Variants in GABRB1 observed in about 807,000 individuals in gnomAD.
The protein encoded by GABRB1 is gamma-aminobutyric acid type A receptor subunit beta1.
In GABRB1, 17 loss-of-function variants were observed where a neutral mutation model predicts 51.6. The observed-to-expected ratio is 0.33, with a 90% CI of 0.23 to 0.49. GABRB1 has a LOEUF of 0.49. Ranked by LOEUF, GABRB1 falls within the 20% of genes least tolerant of loss-of-function variation. GABRB1 has a pLI of 0.99. For missense variants in GABRB1, 410 were observed against 600.6 expected (o/e 0.68, Z 3.32); for synonymous variants, 247 against 218.9 (o/e 1.13, Z -1.14).
At chr4:46,994,153 G>A (rs150449034) in intron 1 of GABRB1, 4 of 152,490 alleles carry the variant, frequency 2.6e-5, no homozygotes, top group African/African-American at 9.6e-5. Context: ...TCACCCGGCG[G>A]ACTCTCGCCA....
intron 4 of GABRB1, among the ~76,000 whole-genome samples, chr4:47,292,621 T>G (rs1183900524): frequency 2.0e-5 from 3 of 152,362 alleles, no homozygotes; most frequent in African/African-American, 7.2e-5. Flanking sequence ...CCATAAAGCC[T>G]ACTCTCTGAG....
chr4:47,232,494 G>A (rs772852037), intron 4 of GABRB1, among the ~76,000 whole-genome samples: 2 of 151,890 alleles, frequency 1.3e-5, no homozygotes, highest in African/African-American at 2.4e-5. Context: ...CCATGATCAC[G>A]CACTTTTGTG....
intron 4 of GABRB1, among the ~76,000 whole-genome samples, chr4:47,232,745 A>G (rs1292429925): frequency 6.6e-6 from 1 of 152,096 alleles, no homozygotes; most frequent in Non-Finnish European, 1.5e-5. Context: ...TCAAATCCTT[A>G]TTCTGCCTCA....
chr4:47,403,682 A>G lies in GABRB1; in HGVS notation c.806A>G (p.Tyr269Cys), dbSNP rs1728475676. The G allele has an allele frequency of 1.2e-6, 2 of 1,613,510 alleles. No homozygotes were observed. The highest frequency in any genetic ancestry group is 2.7e-5 in the African/African-American group (2 of 75,066). ...TCCTGGGTGTCTTTTTGGATCAACT[A>G]TGATGCATCTGCAGCCAGAGTCGCA... Reference protein sequence around the residue: ...ILSWVSFWINYDASAARVALG... With the variant: ...ILSWVSFWINCDASAARVALG... The change falls in exon 7 of 9, where the codon TAT (tyrosine) becomes TGT (cysteine). Residue 269 changes from tyrosine to cysteine, a missense_variant. Around this residue, in one of 5 missense-constraint regions of GABRB1, gnomAD observed 37 missense variants for 126.3 expected, o/e 0.29. Coordinates refer to ENST00000295454, the MANE Select transcript of GABRB1 (RefSeq NM_000812.4).
chr4:47,320,189 G>C lies in GABRB1; in HGVS notation c.524G>C (p.Cys175Ser). 3.7e-6 allele frequency: 6 copies of C among 1,601,022 alleles called. No homozygotes were observed. Among genetic ancestry groups the C allele is most frequent in the Non-Finnish European group, 5.1e-6 (6 of 1,167,940 alleles). The change falls in exon 5 of 9, where the codon TGC becomes TCC. Residue 175 changes from cysteine to serine, a missense_variant. Physicochemically the swap from Cys to Ser is moderately radical, Grantham distance 112. Transcript: ENST00000295454. ...AGATATCCATTGGATGAGCAGAACT[G>C]CACCCTGGAGATCGAAAGTTGTGAG... ...LRRYPLDEQN[C>S]TLEIESYGYT...
chr4:47,303,004 G>A (rs1248422965), intron 4 of GABRB1, among the ~76,000 whole-genome samples: 3 of 151,910 alleles, frequency 2.0e-5, no homozygotes, highest in Admixed American at 2.0e-4. Flanking sequence ...TATGTGCTAT[G>A]TGCTCACATG....
In GABRB1 at chr4:47,168,615, G is replaced by C. The variant is rs146946880; in HGVS notation, c.461+7146G>C. ...GCAGTATAGTATACTTCTATGAAGGGACCCAAAATGCCTGACTGTCTTCTT... is the reference window on the plus strand; with the variant it reads ...GCAGTATAGTATACTTCTATGAAGGCACCCAAAATGCCTGACTGTCTTCTT... On this transcript the variant is annotated intron_variant, in intron 4 of 8. Transcript: ENST00000295454. 7.2e-5 allele frequency among the ~76,000 whole-genome samples: 11 copies of C among 152,182 alleles called. No homozygotes were observed. The East Asian group carries it at 2.1e-3, about 29-fold the overall frequency.
At chr4:47,227,187 C>A (rs896993371) in intron 4 of GABRB1, among the ~76,000 whole-genome samples, 1 of 152,106 alleles carries the variant, frequency 6.6e-6, no homozygotes, top group Non-Finnish European at 1.5e-5. Flanking sequence ...CATTATGTGT[C>A]ATTTAGGGAA....
intron 8 of GABRB1, among the ~76,000 whole-genome samples, chr4:47,408,230 G>T (rs7685206): frequency 0.033 from 4,964 of 152,312 alleles, 290 homozygotes; most frequent in African/African-American, 0.11. Flanking sequence ...ATGAGAAAGA[G>T]CTAACCATGC....
chr4:47,411,031 T>C (rs1025525862), intron 8 of GABRB1, among the ~76,000 whole-genome samples: 9 of 152,314 alleles, frequency 5.9e-5, no homozygotes, highest in Non-Finnish European at 8.8e-5. Flanking sequence ...TTAGAGTCTC[T>C]ATGGTGCATC....
At chr4:47,406,535 T>C in intron 7 of GABRB1, 147 bp from the exon 8 acceptor site, 2 of 847,096 alleles carry the variant, frequency 2.4e-6, no homozygotes, top group South Asian at 3.5e-5. Context: ...TCAAAATATC[T>C]GCCCTTTTTG....
chr4:47,052,103 C>T (rs1726377752), intron 3 of GABRB1, among the ~76,000 whole-genome samples: 1 of 152,132 alleles, frequency 6.6e-6, no homozygotes, highest in African/African-American at 2.4e-5. Context: ...GCACTCCAGC[C>T]TGGGTGACAG....
chr4:47,334,789 T>G (rs1578102329), intron 5 of GABRB1, among the ~76,000 whole-genome samples: 1 of 152,212 alleles, frequency 6.6e-6, no homozygotes, highest in Non-Finnish European at 1.5e-5. Flanking sequence ...TAAATCTTTC[T>G]CAACACAGAA....
intron 3 of GABRB1, among the ~76,000 whole-genome samples, chr4:47,054,433 T>A (rs1726499686): frequency 6.6e-6 from 1 of 152,194 alleles, no homozygotes; most frequent in African/African-American, 2.4e-5. Flanking sequence ...TTAGGGATAA[T>A]GATGTCTGCT....
intron 4 of GABRB1, among the ~76,000 whole-genome samples, chr4:47,244,998 G>T (rs1721687817): frequency 6.6e-6 from 1 of 152,126 alleles, no homozygotes; most frequent in Non-Finnish European, 1.5e-5. Context: ...TAAGATCAGA[G>T]CAGAACTGAA....
At chr4:47,287,133 A>AAG (rs74871816) in intron 4 of GABRB1, among the ~76,000 whole-genome samples, 31 of 151,192 alleles carry the variant, frequency 2.1e-4, no homozygotes, top group East Asian at 3.9e-4. Flanking sequence ...AGGTGAGAGA[A>AAG]AGAGAGAGAG....
rs146562407 is a variant in GABRB1 at position 47,048,473 on chromosome 4, G to A, written c.240+15989G>A. On this transcript the variant is annotated intron_variant, in intron 3 of 8. Transcript: ENST00000295454. Reference sequence around the variant, plus strand: ...ACACCTCATACTGTGCTGGATAAGAGCCTTACACATAGAGCAGGATGAATA... The same window carrying A: ...ACACCTCATACTGTGCTGGATAAGAACCTTACACATAGAGCAGGATGAATA... 1.4e-3 allele frequency among the ~76,000 whole-genome samples: 216 copies of A among 152,216 alleles called. 3 individuals carry two copies. In the East Asian group the frequency reaches 0.024, roughly 17 times the overall value.
intron 4 of GABRB1, among the ~76,000 whole-genome samples, chr4:47,170,253 C>T (rs185873112): frequency 8.1e-6 from 1 of 123,646 alleles, no homozygotes; most frequent in Non-Finnish European, 1.7e-5. Context: ...TCAATGGCTA[C>T]ACTTACTGAA....
chr4:47,031,538 G>A, upstream of GABRB1: 1 of 822,328 alleles, frequency 1.2e-6, no homozygotes, highest in Non-Finnish European at 2.1e-6. Flanking sequence ...TCTTTTGGTA[G>A]TGAGCGCGCT....
Sources: gnomAD v4.1 joint callset for allele counts (sites outside exome capture counted in the v4.1 genomes callset) on GRCh38, gnomAD v4.1.1 for gene constraint, gnomAD v4.1.1 regional missense constraint, MANE v1.5 for transcripts, NCBI Gene and HGNC (gene_info 2026-07-23, HGNC 2026-07-21) for gene names.